LAMA1: variants seen among roughly 807,000 people sequenced by gnomAD.
LAMA1 encodes laminin subunit alpha 1.
A neutral mutation model predicts 348.7 loss-of-function variants in LAMA1; 219 were observed. That is an observed-to-expected ratio of 0.63 (90% CI 0.56 to 0.70). The LOEUF is 0.70. Ranked by LOEUF, LAMA1 falls within the 30% of genes least tolerant of loss-of-function variation. The pLI is 0.00. For synonymous variants in LAMA1, 1,487 were observed against 1,491.0 expected (o/e 1.00, Z 0.06); for missense variants, 3,744 against 3,888.0 (o/e 0.96, Z 0.99).
At chr18:6,970,583 C>A (rs1252929400) in intron 48 of LAMA1, among the ~76,000 whole-genome samples, 3 of 151,728 alleles carry the variant, frequency 2.0e-5, no homozygotes, top group African/African-American at 7.3e-5. Flanking sequence ...ACCCTATATT[C>A]TTTTTCAATC....
chr18:7,097,382 T>C (rs1052397345), intron 1 of LAMA1, among the ~76,000 whole-genome samples: 2 of 152,108 alleles, frequency 1.3e-5, no homozygotes, highest in Non-Finnish European at 2.9e-5. Flanking sequence ...AGAGAAGATT[T>C]AAATGAATGA....
At chr18:7,000,867 C>CAAA (rs1214950053) in intron 30 of LAMA1, among the ~76,000 whole-genome samples, 2 of 152,104 alleles carry the variant, frequency 1.3e-5, no homozygotes, top group Non-Finnish European at 2.9e-5. Flanking sequence ...TCAGTGGAAA[C>CAAA]AAAATATGTA....
chr18:7,009,039 G>A (rs759893295), intron 27 of LAMA1, among the ~76,000 whole-genome samples, 200 bp downstream of exon 27: 9 of 151,780 alleles, frequency 5.9e-5, no homozygotes, highest in East Asian at 1.9e-4. Context: ...ATTTTATATC[G>A]ACATTAGCAT....
rs2057596160 is a variant in LAMA1, at chr18:6,959,340, C to T, written c.7778+1G>A. 1 of 1,613,978 alleles carries T rather than the reference C, an allele frequency of 6.2e-7. No homozygotes were observed. The highest frequency in any genetic ancestry group is 1.3e-5 in the African/African-American group (1 of 74,900). On this transcript the variant is annotated splice_donor_variant, in intron 54 of 62. Coordinates refer to ENST00000389658, the MANE Select transcript of LAMA1 (RefSeq NM_005559.4). LOFTEE classifies it high-confidence loss of function. ...CACACTGCCTGGCCGCGTGCAAGTA[C>T]CTCCGATTCCTGACCAAGGAGATGG...
chr18:6,967,804 C>T (rs1341178241), intron 48 of LAMA1, among the ~76,000 whole-genome samples: 1 of 152,200 alleles, frequency 6.6e-6, no homozygotes, highest in Non-Finnish European at 1.5e-5. Flanking sequence ...GCCCGTGAGC[C>T]CTCCTCTCCC....
At chr18:7,034,864 T>G (rs1407729922) in intron 13 of LAMA1, among the ~76,000 whole-genome samples, 174 bp from the exon 14 acceptor site, 3 of 152,226 alleles carry the variant, frequency 2.0e-5, no homozygotes, top group African/African-American at 7.2e-5. Context: ...AAAAGGTGTT[T>G]CATTGTATTA....
Position 7,043,321 on chromosome 18 carries a change from T to C in LAMA1, c.1061A>G (p.Gln354Arg), listed in dbSNP as rs756576401. ...TATGCAAACCCCTCCTCCTCTGAAC[T>C]GTCCAGCAGTATTCAAACTTTTCTT... ...KQKKSLNTAG[Q>R]FRGGGVCINC... Residue 354 changes from glutamine (Q) to arginine (R), a missense_variant, in exon 8 of 63, where the codon CAG (glutamine) becomes CGG (arginine). Transcript: ENST00000389658. 8 of 1,614,034 alleles carry C rather than the reference T, an allele frequency of 5.0e-6. No individual in the cohort carries two copies. In the South Asian group the frequency reaches 8.8e-5, roughly 18 times the overall value.
intron 16 of LAMA1, among the ~76,000 whole-genome samples, chr18:7,029,956 G>A (rs2057961003): frequency 6.7e-6 from 1 of 149,556 alleles, no homozygotes; most frequent in Non-Finnish European, 1.5e-5. Flanking sequence ...AAGAATTCAA[G>A]CTTGTTTTTA....
chr18:6,953,047 C>T (rs1788153723), intron 57 of LAMA1, among the ~76,000 whole-genome samples: 2 of 145,498 alleles, frequency 1.4e-5, no homozygotes, highest in African/African-American at 2.5e-5. Flanking sequence ...CCATGTCTGC[C>T]TGTGTCCGGC....
At chr18:7,048,967 G>T in intron 5 of LAMA1, 111 bp downstream of exon 5, 2 of 1,043,174 alleles carry the variant, frequency 1.9e-6, no homozygotes, top group Non-Finnish European at 2.8e-6. Flanking sequence ...AAGAAAAAAG[G>T]CCAACATGTC....
At position 6,961,577 on chromosome 18, in the gene LAMA1, C is replaced by T; in HGVS notation, c.7626+9G>A. The T allele has an allele frequency of 2.5e-6, 4 of 1,613,004 alleles. No homozygotes were observed. The highest frequency in any genetic ancestry group is 2.5e-6 in the Non-Finnish European group (3 of 1,180,008). ...GAGCTTGGGGCTCAGGAGCACTGGC[C>T]CTACTCACCACGTGTGCTTCCTCAC... is the stretch of plus-strand genomic sequence containing the variant. On this transcript the variant is annotated intron_variant, in intron 53 of 62. Transcript: ENST00000389658.
At chr18:7,085,664 C>T (rs140352187) in intron 1 of LAMA1, among the ~76,000 whole-genome samples, 5,835 of 152,078 alleles carry the variant, frequency 0.038, 337 homozygotes, top group East Asian at 0.27. Flanking sequence ...CTGATCCGCC[C>T]GCCTCAGCCT....
At chr18:7,029,610 T>A (rs972876572) in intron 16 of LAMA1, among the ~76,000 whole-genome samples, 5 of 152,168 alleles carry the variant, frequency 3.3e-5, no homozygotes, top group African/African-American at 1.2e-4. Context: ...GCCCTTTACC[T>A]GACTGTCCCT....
intron 8 of LAMA1, 113 bp downstream of exon 8, chr18:7,043,114 G>A (rs1357652626): frequency 1.3e-5 from 13 of 983,736 alleles, no homozygotes; most frequent in African/African-American, 8.1e-5. Context: ...GCATAACAAG[G>A]ATATAAATGA....
chr18:7,015,996 C>A, intron 21 of LAMA1, 138 bp from the exon 22 acceptor site: 3 of 1,010,268 alleles, frequency 3.0e-6, no homozygotes, highest in Non-Finnish European at 4.5e-6. Flanking sequence ...ATTCCCAAGA[C>A]CCCTCCATGT....
intron 36 of LAMA1, among the ~76,000 whole-genome samples, chr18:6,991,753 A>G (rs2057759833): frequency 1.3e-5 from 2 of 152,224 alleles, no homozygotes; most frequent in African/African-American, 4.8e-5. Flanking sequence ...GAAGAGATAT[A>G]TACAGTATAA....
chr18:7,100,058 C>CAAAAAAAAAAA (rs3038921), intron 1 of LAMA1, among the ~76,000 whole-genome samples: 26 of 79,666 alleles, frequency 3.3e-4, no homozygotes, highest in South Asian at 5.0e-4. Flanking sequence ...GACTTTGTCT[C>CAAAAAAAAAAA]AAAAAAAAAA....
In LAMA1 at chr18:7,080,429, G is replaced by C; in HGVS notation, c.90C>G (p.Ala30=). ...RGLFPAILNL[A]SNAHISTNAT... The stretch of plus-strand genomic sequence containing the variant: ...CATTGGTGCTGATGTGAGCATTGCT[G>C]GCAAGATTGAGAATGGCAGGAAACA... The change falls in exon 2 of 63, where the codon GCC becomes GCG. Residue 30 remains alanine, a synonymous_variant. Coordinates refer to ENST00000389658, the MANE Select transcript of LAMA1 (RefSeq NM_005559.4). The C allele has an allele frequency of 6.2e-7, 1 of 1,614,208 alleles. No homozygotes were observed. Among genetic ancestry groups the C allele is most frequent in the Middle Eastern group, 1.6e-4 (1 of 6,062 alleles).
Position 6,949,237 on chromosome 18 carries a change from C to A in LAMA1, c.8420G>T (p.Arg2807Ile). The A allele has an allele frequency of 6.2e-7, 1 of 1,614,174 alleles. No homozygotes were observed. Among genetic ancestry groups the A allele is most frequent in the Non-Finnish European group, 8.5e-7 (1 of 1,180,028 alleles). The change falls in exon 59 of 63, where the codon AGA becomes ATA. Residue 2807 changes from arginine (R) to isoleucine (I), a missense_variant. Transcript: ENST00000389658. ...WHTVKTDYVK[R>I]KGFITVDGRE... ...GCCGTCGACAGTTATGAAGCCTTTT[C>A]TTTTAACATAGTCTGTCTTGACCTA...
Sources: gnomAD v4.1 joint callset for allele counts (sites outside exome capture counted in the v4.1 genomes callset) on GRCh38, gnomAD v4.1.1 for gene constraint, MANE v1.5 for transcripts, NCBI Gene and HGNC (gene_info 2026-07-23, HGNC 2026-07-21) for gene names.